The following TTC34 variants were observed in gnomAD, a reference collection of about 807,000 sequenced individuals.
TTC34 encodes the protein tetratricopeptide repeat protein 34.
A neutral mutation model predicts 40.7 loss-of-function variants in TTC34; 44 were observed. That is an observed-to-expected ratio of 1.08 (90% CI 0.85 to 1.39). The LOEUF (loss-of-function observed/expected upper bound fraction) is 1.39, where lower values mean the gene tolerates loss of function less well. TTC34 is among the 40% of genes most tolerant of loss of function. The probability of loss-of-function intolerance (pLI) is 0.00; values close to 1 mark genes in which losing one functional copy is unlikely to be tolerated. For missense variants in TTC34, 884 were observed against 838.0 expected (o/e 1.05, Z -0.68); for synonymous variants, 422 against 398.6 (o/e 1.06, Z -0.70).
intron 6 of TTC34, among the ~76,000 whole-genome samples, chr1:2,688,928 C>CT (rs112557275): frequency 6.4e-5 from 1 of 15,608 alleles, no homozygotes; most frequent in Non-Finnish European, 1.5e-4. Flanking sequence ...GAGCAGCACC[C>CT]ACATCCCCAG....
intron 2 of TTC34, among the ~76,000 whole-genome samples, chr1:2,794,712 G>A (rs1643696642): frequency 6.6e-6 from 1 of 152,136 alleles, no homozygotes; most frequent in Non-Finnish European, 1.5e-5. Context: ...TGTCACCATT[G>A]AGTATGATAT....
chr1:2,690,796 T>G (rs1384403411), intron 6 of TTC34, among the ~76,000 whole-genome samples: 1 of 56,702 alleles, frequency 1.8e-5, no homozygotes, highest in Admixed American at 1.7e-4. Context: ...TGCGAGCATC[T>G]GACAGCCTGG....
At chr1:2,693,227 C>A (rs1460217281) in intron 6 of TTC34, among the ~76,000 whole-genome samples, 24 of 118,826 alleles carry the variant, frequency 2.0e-4, no homozygotes, top group Admixed American at 2.7e-4. Context: ...AACCCACACC[C>A]ACAGGTGAGC....
At chr1:2,788,219 C>T (rs1047162391) in intron 3 of TTC34, among the ~76,000 whole-genome samples, 1 of 152,210 alleles carries the variant, frequency 6.6e-6, no homozygotes, top group South Asian at 2.1e-4. Context: ...AAATCAAAGC[C>T]ACGCAAATTA....
intron 6 of TTC34, 120 bp downstream of exon 6, chr1:2,783,489 T>C (rs1643519929): frequency 1.9e-6 from 2 of 1,045,082 alleles, no homozygotes; most frequent in African/African-American, 1.6e-5. Flanking sequence ...TGGGTTTTGA[T>C]GGGCATCTCA....
At chr1:2,755,550 C>A (rs1485024144) in intron 6 of TTC34, among the ~76,000 whole-genome samples, 1 of 98,996 alleles carries the variant, frequency 1.0e-5, no homozygotes, top group Non-Finnish European at 1.9e-5. Context: ...CACCCACAGG[C>A]GAGCATCTGA....
intron 6 of TTC34, among the ~76,000 whole-genome samples, chr1:2,756,602 T>C (rs1338026052): frequency 8.1e-5 from 11 of 135,374 alleles, no homozygotes; most frequent in Admixed American, 2.3e-4. Context: ...GGTGAGCATC[T>C]GACAGCCTGG....
At chr1:2,787,518 A>G (rs1459710960) in exon 4 of TTC34, 1 of 1,520,206 alleles carries the variant, frequency 6.6e-7, no homozygotes, top group African/African-American at 1.4e-5. Flanking sequence ...CCTCAGCTGC[A>G]GCAGGGCCAG....
intron 6 of TTC34, among the ~76,000 whole-genome samples, chr1:2,768,593 A>T (rs1311033134): frequency 6.6e-6 from 1 of 151,944 alleles, no homozygotes; most frequent in African/African-American, 2.4e-5. Flanking sequence ...CCAGGTGAGC[A>T]GCTGAAAGCC....
rs1639765257 is a variant in TTC34 at position 2,673,237 on chromosome 1, C to A, written c.2227-27674G>T. ...GACAGCCTGGAACCGCAGCCACACCCCCAGGCGAGCATCTGACAGCCTGGA... is the reference window on the plus strand; with the variant it reads ...GACAGCCTGGAACCGCAGCCACACCACCAGGCGAGCATCTGACAGCCTGGA... On this transcript the variant is annotated intron_variant, in intron 6 of 8. Transcript: ENST00000401095. 7.7e-5 allele frequency among the ~76,000 whole-genome samples: 6 copies of A among 78,398 alleles called. No individual in the cohort carries two copies. The South Asian group carries it at 1.8e-3, about 24-fold the overall frequency. The allele number at this position is 78,398 out of a possible 152,430, so 51.4% of individuals were successfully genotyped here.
intron 6 of TTC34, among the ~76,000 whole-genome samples, chr1:2,688,090 C>G (rs551539592): frequency 2.9e-4 from 7 of 24,174 alleles, no homozygotes; most frequent in East Asian, 1.5e-3. Context: ...CCCTGCACCC[C>G]CAGGTGCGCA....
intron 6 of TTC34, among the ~76,000 whole-genome samples, chr1:2,691,316 C>T (rs557366944): frequency 1.1e-5 from 1 of 87,886 alleles, no homozygotes; most frequent in Admixed American, 1.1e-4. Context: ...AGGCGAGCAT[C>T]CGACAGCCTG....
chr1:2,684,979 C>G (rs1406265008), intron 6 of TTC34, among the ~76,000 whole-genome samples: 21 of 143,426 alleles, frequency 1.5e-4, no homozygotes, highest in Non-Finnish European at 3.0e-5. Flanking sequence ...CATCTGACAG[C>G]TTAGAACAGC....
chr1:2,751,701 T>A (rs1190799880), intron 6 of TTC34, among the ~76,000 whole-genome samples: 34 of 130,458 alleles, frequency 2.6e-4, no homozygotes, highest in Admixed American at 3.8e-4. Context: ...CAAGCGAGCA[T>A]CCGACAGCCT....
Position 2,785,817 on chromosome 1 carries a change from A to C in TTC34, c.2059+2T>G. On this transcript the variant is annotated splice_donor_variant, in intron 5 of 8. Coordinates refer to ENST00000401095, the Ensembl canonical transcript of TTC34. LOFTEE classifies it high-confidence loss of function. ...CCCTGGGGGCAGGTGGGCAGCTCCT[A>C]CCTGCGGCAAAGATGGCCAGAGACA... The C allele has an allele frequency of 6.5e-7, 1 of 1,543,060 alleles. No homozygotes were observed. Among genetic ancestry groups the C allele is most frequent in the Non-Finnish European group, 8.7e-7 (1 of 1,143,344 alleles).
chr1:2,757,428 A>C (rs1641542832), intron 6 of TTC34, among the ~76,000 whole-genome samples: 1 of 51,242 alleles, frequency 2.0e-5, no homozygotes, highest in Non-Finnish European at 3.0e-5. Flanking sequence ...CTGCACCCAC[A>C]CTCCCAGGCG....
chr1:2,765,759 C>G (rs1641770605), intron 6 of TTC34, among the ~76,000 whole-genome samples: 17 of 43,472 alleles, frequency 3.9e-4, no homozygotes, highest in African/African-American at 1.0e-3. Context: ...CCCACACCCC[C>G]AGGTGAGCAT....
At chr1:2,791,518 G>A (rs1399356448) in intron 2 of TTC34, among the ~76,000 whole-genome samples, 5 of 152,214 alleles carry the variant, frequency 3.3e-5, no homozygotes, top group Admixed American at 6.5e-5. Flanking sequence ...AAGCAAAGCC[G>A]CTGCGGTCAC....
At chr1:2,687,074 G>A (rs1188552531) in intron 6 of TTC34, among the ~76,000 whole-genome samples, 8 of 144,286 alleles carry the variant, frequency 5.5e-5, no homozygotes, top group South Asian at 2.2e-4. Flanking sequence ...GCCTGGAGCA[G>A]GACCCACACC....
Sources: allele counts gnomAD v4.1 joint callset (sites outside exome capture counted in the v4.1 genomes callset), GRCh38; gene constraint gnomAD v4.1.1; transcripts MANE v1.5; gene names NCBI Gene and HGNC (gene_info 2026-07-23, HGNC 2026-07-21).